Variants in MCM4 observed in about 807,000 individuals in gnomAD.
The protein encoded by MCM4 is DNA replication licensing factor MCM4.
MCM4 carries 60 observed loss-of-function variants against 88.7 expected under a neutral mutation model. The ratio of observed to expected loss-of-function variants is 0.68; its 90% CI spans 0.55 to 0.84. The LOEUF (loss-of-function observed/expected upper bound fraction) is 0.84, where lower values mean the gene tolerates loss of function less well. Among genes scored for constraint, MCM4 ranks in the 40% least tolerant of loss-of-function variants. The pLI is 0.00. For missense variants in MCM4, 1,149 were observed against 1,105.5 expected (o/e 1.04, Z -0.56); for synonymous variants, 465 against 410.5 (o/e 1.13, Z -1.61).
intron 14 of MCM4, chr8:47,973,927 G>T (rs1224511892): frequency 1.3e-5 from 2 of 152,196 alleles, no homozygotes; most frequent in Non-Finnish European, 2.9e-5. Context: ...CAAGCATAGT[G>T]AATTTAAGAT....
Position 47,960,985 on chromosome 8 carries a change from G to A in MCM4, c.-44G>A. The A allele has an allele frequency of 1.5e-6, 1 of 683,974 alleles. No homozygotes were observed. The highest frequency in any genetic ancestry group is 4.3e-5 in the Admixed American group (1 of 23,314). 42.4% of individuals were successfully genotyped at this position (683,974 alleles called of 1,614,324 possible). Reference sequence around the variant, plus strand: ...CGCCAGGTGGACTCGGAGTCCGCGAGCGTCGTCGGCAAGCGGCCGCCTTTC... The same window carrying A: ...CGCCAGGTGGACTCGGAGTCCGCGAACGTCGTCGGCAAGCGGCCGCCTTTC... On this transcript the variant is annotated 5_prime_UTR_variant, in exon 1 of 17. Transcript: ENST00000649973.
At position 47,972,847 on chromosome 8, in the gene MCM4, G is replaced by C. The variant is rs376745570; in HGVS notation, c.1929-10G>C. 2 of 1,612,796 alleles carry C rather than the reference G, an allele frequency of 1.2e-6. No individual in the cohort carries two copies. The highest frequency in any genetic ancestry group is 1.3e-5 in the African/African-American group (1 of 74,878). ...GCTGGAAAAACAGTATTTTTACTTT[G>C]TTTTCTTAGGTTTGATTTGATCTTC... On this transcript the variant is annotated splice_polypyrimidine_tract_variant and intron_variant, in intron 13 of 16. Coordinates refer to ENST00000649973, the MANE Select transcript of MCM4 (RefSeq NM_182746.3).
intron 12 of MCM4, 142 bp downstream of exon 12, chr8:47,971,018 A>G: frequency 9.6e-7 from 1 of 1,039,564 alleles, no homozygotes; most frequent in African/African-American, 1.6e-5. Context: ...TATTTCAGCT[A>G]AATCTCAACA....
At chr8:47,962,644 G>A (rs2090855171) in intron 5 of MCM4, 120 bp from the exon 6 acceptor site, 1 of 741,354 alleles carries the variant, frequency 1.3e-6, no homozygotes, top group Non-Finnish European at 2.3e-6. Context: ...AAAGAAAAAG[G>A]AAGAAAAATA....
In MCM4 at chr8:47,970,730, G is replaced by A. The variant is rs747141760; in HGVS notation, c.1654G>A (p.Glu552Lys). ...GLTAYVMKDPETRQLVLQTGA... is the reference protein window; with the variant it reads ...GLTAYVMKDPKTRQLVLQTGA... Reference sequence around the variant, plus strand: ...CACTGCGTACGTAATGAAAGACCCTGAGACAAGGCAGCTGGTCCTGCAGAC... The same window carrying A: ...CACTGCGTACGTAATGAAAGACCCTAAGACAAGGCAGCTGGTCCTGCAGAC... Residue 552 changes from glutamate (E) to lysine (K), a missense_variant, in exon 12 of 17, where the codon GAG (glutamate) becomes AAG (lysine). Physicochemically the swap from Glu to Lys is moderately conservative, Grantham distance 56. Around this residue, in one of 3 missense-constraint regions of MCM4, gnomAD observed 906 missense variants for 843.0 expected, o/e 1.07. Transcript: ENST00000649973. The A allele has an allele frequency of 6.2e-7, 1 of 1,614,204 alleles. No homozygotes were observed. Among genetic ancestry groups the A allele is most frequent in the South Asian group, 1.1e-5 (1 of 91,080 alleles).
intron 7 of MCM4, among the ~76,000 whole-genome samples, chr8:47,963,808 T>C (rs1011379794): frequency 6.6e-6 from 1 of 152,252 alleles, no homozygotes; most frequent in East Asian, 1.9e-4. Flanking sequence ...GGTTTTTGAA[T>C]CTTGGTTTTG....
chr8:47,966,481 C>T, intron 9 of MCM4, 74 bp downstream of exon 9: 2 of 1,400,206 alleles, frequency 1.4e-6, no homozygotes, highest in Non-Finnish European at 1.9e-6. Flanking sequence ...ATAACTTGTC[C>T]CTCGGACCCT....
Position 47,969,691 on chromosome 8 carries a change from C to T in MCM4, c.1175-107C>T, listed in dbSNP as rs544414983. The T allele has an allele frequency of 2.5e-5, 29 of 1,153,874 alleles. No homozygotes were observed. The East Asian group carries it at 5.3e-4, about 21-fold the overall frequency. 71.5% of individuals were successfully genotyped at this position (1,153,874 alleles called of 1,614,324 possible). A position where few individuals can be genotyped will look rare whatever the true frequency, so the allele number is the denominator to read the frequency against. On this transcript the variant is annotated intron_variant, in intron 10 of 16. Coordinates refer to ENST00000649973, the MANE Select transcript of MCM4 (RefSeq NM_182746.3). The stretch of plus-strand genomic sequence containing the variant: ...GAGCTCACCCTTTCCAGGGCCAGCC[C>T]GACGTGGTGCCTCGCTCTGAAGTGC...
In MCM4 at chr8:47,961,161, C is replaced by A; in HGVS notation, c.17C>A (p.Ser6Ter). ...CCGAGCACTATGTCGTCCCCGGCGTCGACCCCGAGCCGCCGCGGCAGCCGG... is the reference window on the plus strand; with the variant it reads ...CCGAGCACTATGTCGTCCCCGGCGTAGACCCCGAGCCGCCGCGGCAGCCGG... MSSPA[S>*]TPSRRGSRRG... Residue 6 changes from serine to a stop codon, truncating the protein, a stop_gained, in exon 2 of 17, where the codon TCG becomes TAG. Transcript: ENST00000649973. LOFTEE classifies it high-confidence loss of function. The A allele has an allele frequency of 6.4e-7, 1 of 1,551,502 alleles. No individual in the cohort carries two copies. Among genetic ancestry groups the A allele is most frequent in the Non-Finnish European group, 8.6e-7 (1 of 1,159,014 alleles).
At position 47,970,721 on chromosome 8, in the gene MCM4, A is replaced by G; in HGVS notation, c.1645A>G (p.Lys549Glu). 6.2e-7 allele frequency: 1 copy of G among 1,614,196 alleles called. No individual in the cohort carries two copies. ...SAVGLTAYVM[K>E]DPETRQLVLQ... is the part of the protein sequence containing the mutation. ...AGTTGGCCTCACTGCGTACGTAATGAAAGACCCTGAGACAAGGCAGCTGGT... is the reference window on the plus strand; with the variant it reads ...AGTTGGCCTCACTGCGTACGTAATGGAAGACCCTGAGACAAGGCAGCTGGT... The change falls in exon 12 of 17, where the codon AAA becomes GAA. Residue 549 changes from lysine (K) to glutamate (E), a missense_variant. Lys to Glu is a moderately conservative substitution (Grantham distance 56, BLOSUM62 1). Transcript: ENST00000649973.
chr8:47,969,804 A>G lies in MCM4; in HGVS notation c.1181A>G (p.Tyr394Cys), dbSNP rs767489376. 6.2e-6 allele frequency: 10 copies of G among 1,614,138 alleles called. No homozygotes were observed. The highest frequency in any genetic ancestry group is 5.0e-5 in the Admixed American group (3 of 60,028). The change falls in exon 11 of 17, where the codon TAT becomes TGT. Residue 394 changes from tyrosine (Y) to cysteine (C), a missense_variant. Tyr to Cys is a radical substitution (Grantham distance 194, BLOSUM62 -2). Around this residue, in one of 3 missense-constraint regions of MCM4, gnomAD observed 906 missense variants for 843.0 expected, o/e 1.07. Coordinates refer to ENST00000649973, the MANE Select transcript of MCM4 (RefSeq NM_182746.3). ...PGDRVNVTGI[Y>C]RAVPIRVNPR... Reference sequence around the variant, plus strand: ...CTCCTGGTTGTGCCCTCAGGCATCTATCGAGCTGTGCCTATTCGAGTCAAT... The same window carrying G: ...CTCCTGGTTGTGCCCTCAGGCATCTGTCGAGCTGTGCCTATTCGAGTCAAT...
rs539355923 is a variant in MCM4, at chr8:47,961,338, G to C, written c.70+124G>C. ...GCTCAGCCTCGGGCTGGGCGCTGCC[G>C]CTTGGTGCGCACAGACACCCACAGC... On this transcript the variant is annotated intron_variant, in intron 2 of 16. Transcript: ENST00000649973. The C allele has an allele frequency of 2.5e-5, 36 of 1,458,636 alleles. No individual in the cohort carries two copies. The African/African-American group carries it at 3.9e-4, about 16-fold the overall frequency. 90.4% of individuals were successfully genotyped at this position (1,458,636 alleles called of 1,614,324 possible).
chr8:47,967,312 G>T, intron 9 of MCM4, 53 bp from the exon 10 acceptor site: 1 of 1,607,254 alleles, frequency 6.2e-7, no homozygotes, highest in Non-Finnish European at 8.5e-7. Flanking sequence ...TGCAGATTTT[G>T]TCCCCCTGCC....
Position 47,975,754 on chromosome 8 carries a change from C to A in MCM4, c.2405C>A (p.Ala802Asp). Residue 802 changes from alanine (A) to aspartate (D), a missense_variant, in exon 16 of 17, where the codon GCT becomes GAT. This residue lies in a region of MCM4 where 238 missense variants were observed against 241.6 expected (regional missense o/e 0.99). Transcript: ENST00000649973. ...ATSRKRKEELAEALKKLILSK... is the reference protein window; with the variant it reads ...ATSRKRKEELDEALKKLILSK... The stretch of plus-strand genomic sequence containing the variant: ...TCTCGTAAACGGAAAGAAGAATTAG[C>A]TGAAGCATTGAAAAAGCTTATTTTA... The A allele has an allele frequency of 6.3e-7, 1 of 1,581,800 alleles. No individual in the cohort carries two copies. Among genetic ancestry groups the A allele is most frequent in the Non-Finnish European group, 8.6e-7 (1 of 1,169,318 alleles).
chr8:47,970,065 T>C lies in MCM4; in HGVS notation c.1434+8T>C. On this transcript the variant is annotated splice_region_variant and intron_variant, in intron 11 of 16. Transcript: ENST00000649973. ...CATGAAGATATAAAGAAGGTAACAG[T>C]GGATTTTAAACTAGGGGTTGGGATT... 1 of 1,611,722 alleles carries C rather than the reference T, an allele frequency of 6.2e-7. No individual in the cohort carries two copies. The highest frequency in any genetic ancestry group is 8.5e-7 in the Non-Finnish European group (1 of 1,178,720).
rs1416178591 is a variant in MCM4, at chr8:47,970,779, A to T, written c.1703A>T (p.Asn568Ile). ...ACAGGTGCTCTTGTCCTGAGTGACA[A>T]CGGCATCTGCTGTATCGATGAGTTC... ...LQTGALVLSDNGICCIDEFDK... is the reference protein window; with the variant it reads ...LQTGALVLSDIGICCIDEFDK... The change falls in exon 12 of 17, where the codon AAC becomes ATC. Residue 568 changes from asparagine (N) to isoleucine (I), a missense_variant. Physicochemically the swap from Asn to Ile is moderately radical, Grantham distance 149. Coordinates refer to ENST00000649973, the MANE Select transcript of MCM4 (RefSeq NM_182746.3). 2 of 1,614,234 alleles carry T rather than the reference A, an allele frequency of 1.2e-6. No individual in the cohort carries two copies. The highest frequency in any genetic ancestry group is 3.3e-5 in the Admixed American group (2 of 60,022).
In MCM4 at chr8:47,969,912, A is replaced by C. The variant is rs751742828; in HGVS notation, c.1289A>C (p.His430Pro). Reference sequence around the variant, plus strand: ...CGGAAAACGGATGCAAAACGTCTGCATGGCCTTGATGAAGAAGCAGAACAG... The same window carrying C: ...CGGAAAACGGATGCAAAACGTCTGCCTGGCCTTGATGAAGAAGCAGAACAG... ...HYRKTDAKRLHGLDEEAEQKL... is the reference protein window; with the variant it reads ...HYRKTDAKRLPGLDEEAEQKL... The change falls in exon 11 of 17, where the codon CAT (histidine) becomes CCT (proline). Residue 430 changes from histidine (H) to proline (P), a missense_variant. Physicochemically the swap from His to Pro is moderately conservative, Grantham distance 77. Transcript: ENST00000649973. The C allele has an allele frequency of 6.2e-7, 1 of 1,614,258 alleles. No homozygotes were observed. Among genetic ancestry groups the C allele is most frequent in the African/African-American group, 1.3e-5 (1 of 75,072 alleles).
At chr8:47,968,373 A>G (rs2090920002) in intron 10 of MCM4, among the ~76,000 whole-genome samples, 1 of 152,188 alleles carries the variant, frequency 6.6e-6, no homozygotes, top group Non-Finnish European at 1.5e-5. Flanking sequence ...GTCATGGAGA[A>G]TTTGAAAGAA....
chr8:47,961,581 G>A lies in MCM4; in HGVS notation c.136G>A (p.Gly46Arg), dbSNP rs2090836373. ...RRRGEDSTSTGELQPMPTSPG... is the reference protein window; with the variant it reads ...RRRGEDSTSTRELQPMPTSPG... ...TAGAGGCGAGGATTCCACCTCCACG[G>A]GGGAGTTGCAGCCGATGCCAACCTC... Residue 46 changes from glycine to arginine, a missense_variant, in exon 3 of 17, where the codon GGG (glycine) becomes AGG (arginine). Around this residue, in one of 3 missense-constraint regions of MCM4, gnomAD observed 906 missense variants for 843.0 expected, o/e 1.07. Transcript: ENST00000649973. 6.2e-7 allele frequency: 1 copy of A among 1,614,040 alleles called. No individual in the cohort carries two copies. Among genetic ancestry groups the A allele is most frequent in the African/African-American group, 1.3e-5 (1 of 74,926 alleles).
Sources: gnomAD v4.1 joint callset for allele counts (sites outside exome capture counted in the v4.1 genomes callset) on GRCh38, gnomAD v4.1.1 for gene constraint, gnomAD v4.1.1 regional missense constraint, MANE v1.5 for transcripts, NCBI Gene and HGNC (gene_info 2026-07-23, HGNC 2026-07-21) for gene names.